The following TSNAXIP1 variants were observed in gnomAD, a reference collection of about 807,000 sequenced individuals.
The protein encoded by TSNAXIP1 is translin-associated factor X-interacting protein 1.
TSNAXIP1 carries 89 observed loss-of-function variants against 84.8 expected under a neutral mutation model. That is an observed-to-expected ratio of 1.05 (90% CI 0.88 to 1.25). TSNAXIP1 has a LOEUF of 1.25. Ranked by LOEUF, TSNAXIP1 falls within the 50% of genes most tolerant of loss-of-function variation. The probability of loss-of-function intolerance (pLI) is 0.00; values close to 1 mark genes in which losing one functional copy is unlikely to be tolerated. For missense variants in TSNAXIP1, 874 were observed against 887.6 expected (o/e 0.98, Z 0.20); for synonymous variants, 347 against 335.2 (o/e 1.04, Z -0.39).
chr16:67,825,769 T>G lies in TSNAXIP1; in HGVS notation c.917T>G (p.Phe306Cys), dbSNP rs770985287. Residue 306 changes from phenylalanine to cysteine, a missense_variant, in exon 8 of 16, where the codon TTT (phenylalanine) becomes TGT (cysteine). Transcript: ENST00000561639. ...GAACTCAACAACATGAAGGCCAACT[T>G]TGGAGATGTGGTCCCCAGGAGGGAC... The part of the protein sequence containing the change: ...QMELNNMKAN[F>C]GDVVPRRDFE... 1 of 1,613,776 alleles carries G rather than the reference T, an allele frequency of 6.2e-7. No individual in the cohort carries two copies. The highest frequency in any genetic ancestry group is 8.5e-7 in the Non-Finnish European group (1 of 1,179,952).
chr16:67,824,487 G>A (rs2057295972), intron 5 of TSNAXIP1, 96 bp from the exon 6 acceptor site: 4 of 1,205,944 alleles, frequency 3.3e-6, no homozygotes, highest in Non-Finnish European at 4.7e-6. Flanking sequence ...CTTGGGGTTT[G>A]CAAGCGACAT....
chr16:67,824,684 G>A lies in TSNAXIP1; in HGVS notation c.583G>A (p.Glu195Lys), dbSNP rs2057309628. The A allele has an allele frequency of 6.2e-7, 1 of 1,614,136 alleles. No individual in the cohort carries two copies. Among genetic ancestry groups the A allele is most frequent in the Non-Finnish European group, 8.5e-7 (1 of 1,180,022 alleles). ...GAGGATCCTGGCCATGAGAGCTGAGGAGAAATATGAAATCTCCCTGCTCAA... is the reference window on the plus strand; with the variant it reads ...GAGGATCCTGGCCATGAGAGCTGAGAAGAAATATGAAATCTCCCTGCTCAA... ...NERILAMRAE[E>K]KYEISLLKKE... Residue 195 changes from glutamate (E) to lysine (K), a missense_variant, in exon 6 of 16, where the codon GAG (glutamate) becomes AAG (lysine). Physicochemically the swap from Glu to Lys is moderately conservative, Grantham distance 56. Transcript: ENST00000561639.
chr16:67,826,485 G>A lies in TSNAXIP1; in HGVS notation c.1324G>A (p.Glu442Lys). 1 of 1,614,150 alleles carries A rather than the reference G, an allele frequency of 6.2e-7. No individual in the cohort carries two copies. Among genetic ancestry groups the A allele is most frequent in the Non-Finnish European group, 8.5e-7 (1 of 1,180,030 alleles). ...PAFLRFDGLV[E>K]NKKPSKKDVV... ...TTTTCTTCGGTTTGATGGCCTCGTG[G>A]AGAACAAGAAGCCAAGCAAGAAGGA... Residue 442 changes from glutamate to lysine, a missense_variant, in exon 11 of 16, where the codon GAG (glutamate) becomes AAG (lysine). Physicochemically the swap from Glu to Lys is moderately conservative, Grantham distance 56. Coordinates refer to ENST00000561639, the MANE Select transcript of TSNAXIP1 (RefSeq NM_001288990.3).
At chr16:67,824,520 G>A in intron 5 of TSNAXIP1, 63 bp from the exon 6 acceptor site, 4 of 1,531,296 alleles carry the variant, frequency 2.6e-6, no homozygotes, top group Non-Finnish European at 3.6e-6. Context: ...ATGACCTTAG[G>A]GTGTCTTCTG....
intron 15 of TSNAXIP1, 54 bp downstream of exon 15, chr16:67,827,633 T>TG: frequency 6.2e-7 from 1 of 1,611,786 alleles, no homozygotes; most frequent in East Asian, 2.2e-5. Context: ...CTGAAGCCCC[T>TG]GGGTCTCCCT....
chr16:67,810,799 G>A (rs867732342), intron 1 of TSNAXIP1, among the ~76,000 whole-genome samples: 31 of 150,212 alleles, frequency 2.1e-4, no homozygotes, highest in Admixed American at 1.0e-3. Flanking sequence ...GAGTGCAGTG[G>A]CATGATCTCA....
At chr16:67,816,424 G>A (rs2056556897) in intron 2 of TSNAXIP1, among the ~76,000 whole-genome samples, 1 of 152,186 alleles carries the variant, frequency 6.6e-6, no homozygotes, top group Admixed American at 6.5e-5. Flanking sequence ...GGGCTGTATG[G>A]TGGTTTTCCT....
At chr16:67,820,782 A>C in intron 2 of TSNAXIP1, 57 bp from the exon 3 acceptor site, 1 of 1,298,458 alleles carries the variant, frequency 7.7e-7, no homozygotes, top group Non-Finnish European at 1.1e-6. Flanking sequence ...AGATGGAGAG[A>C]AACATTAGGA....
In TSNAXIP1 at chr16:67,819,815, A is replaced by ATTTTTTTTTT. The variant is rs1162375778; in HGVS notation, c.148-1011_148-1002dup. ...AGCACATGCCACCACACCTGGCTAA[A>ATTTTTTTTTT]TTTTTTTTTTTTTTTTTTTTTTGAG... On this transcript the variant is annotated intron_variant, in intron 2 of 15. Transcript: ENST00000561639. Among the ~76,000 whole-genome samples the ATTTTTTTTTT allele has an allele frequency of 6.1e-4, 63 of 102,634 alleles. 2 individuals carry two copies. Among genetic ancestry groups the ATTTTTTTTTT allele is most frequent in the African/African-American group, 8.4e-4 (20 of 23,826 alleles). 67.3% of individuals were successfully genotyped at this position (102,634 alleles called of 152,430 possible). A position where few individuals can be genotyped will look rare whatever the true frequency, so the allele number is the denominator to read the frequency against.
intron 13 of TSNAXIP1, 86 bp from the exon 14 acceptor site, chr16:67,827,163 C>T: frequency 6.2e-7 from 1 of 1,606,446 alleles, no homozygotes; most frequent in Non-Finnish European, 8.5e-7. Context: ...GGGCCACAGC[C>T]TCGGCACTCA....
At chr16:67,819,113 T>A (rs983602047) in intron 2 of TSNAXIP1, among the ~76,000 whole-genome samples, 1 of 151,940 alleles carries the variant, frequency 6.6e-6, no homozygotes, top group Non-Finnish European at 1.5e-5. Flanking sequence ...AGAGCTGCAG[T>A]GAGCAGAGAT....
rs2057008586 is a variant in TSNAXIP1, at chr16:67,821,050, A to C, written c.261-49A>C. ...GTGTGTTGCCCCAGACTGAGGGCAC[A>C]AGGGCCCCGTGGGGGTGCTGGCCAC... is the stretch of plus-strand genomic sequence containing the variant. On this transcript the variant is annotated intron_variant, in intron 3 of 15. Transcript: ENST00000561639. 2.5e-6 allele frequency: 4 copies of C among 1,610,318 alleles called. No homozygotes were observed. In the Admixed American group the frequency reaches 5.0e-5, roughly 20 times the overall value.
At position 67,825,991 on chromosome 16, in the gene TSNAXIP1, G is replaced by A. The variant is rs145012456; in HGVS notation, c.1059G>A (p.Thr353=). The change falls in exon 9 of 16, where the codon ACG becomes ACA. Residue 353 remains threonine (T), a synonymous_variant. Coordinates refer to ENST00000561639, the MANE Select transcript of TSNAXIP1 (RefSeq NM_001288990.3). Reference sequence around the variant, plus strand: ...TCCTCATGCAGCTGCACATGAGCACGCTGAAGGAACGGGACCAATTCTTCT... The same window carrying A: ...TCCTCATGCAGCTGCACATGAGCACACTGAAGGAACGGGACCAATTCTTCT... ...HEILMQLHMS[T]LKERDQFFSE... 132 of 1,614,038 alleles carry A rather than the reference G, an allele frequency of 8.2e-5. No homozygotes were observed. The African/African-American group carries it at 1.3e-3, about 16-fold the overall frequency.
At position 67,811,436 on chromosome 16, in the gene TSNAXIP1, C is replaced by CTTTTTTTTTT. The variant is rs1190285857; in HGVS notation, c.48-2852_48-2843dup. On this transcript the variant is annotated intron_variant, in intron 1 of 15. Transcript: ENST00000561639. ...AACAGAGTTTGGAGAATTGATTAGT[C>CTTTTTTTTTT]TTTTTTTTTTTTTTTTTTTTTTTGA... Among the ~76,000 whole-genome samples the CTTTTTTTTTT allele has an allele frequency of 5.6e-4, 57 of 101,976 alleles. 7 individuals are homozygous for CTTTTTTTTTT. Among genetic ancestry groups the CTTTTTTTTTT allele is most frequent in the African/African-American group, 1.8e-3 (41 of 22,712 alleles). The allele number at this position is 101,976 out of a possible 152,430, so 66.9% of individuals were successfully genotyped here. A position where few individuals can be genotyped will look rare whatever the true frequency, so the allele number is the denominator to read the frequency against.
Position 67,827,351 on chromosome 16 carries a change from C to A in TSNAXIP1, c.1767C>A (p.Leu589=). ...WHPSSSNADL[L]NYRSLFMEDE... is the part of the protein sequence containing the mutation. ...CCAGCAGCAGCAATGCAGACTTGCT[C>A]AACTACCGCTCACTGTTTATGGAGG... Residue 589 remains leucine, a synonymous_variant, in exon 14 of 16, where the codon CTC becomes CTA. Transcript: ENST00000561639. The A allele has an allele frequency of 6.2e-7, 1 of 1,614,232 alleles. No homozygotes were observed. The highest frequency in any genetic ancestry group is 8.5e-7 in the Non-Finnish European group (1 of 1,180,042).
chr16:67,827,185 GCA>G, intron 13 of TSNAXIP1, 62 bp from the exon 14 acceptor site: 1 of 1,609,636 alleles, frequency 6.2e-7, no homozygotes, highest in Non-Finnish European at 8.5e-7. Flanking sequence ...TCCCTTTTGA[GCA>G]CTAGGGAGAG....
intron 1 of TSNAXIP1, chr16:67,807,674 G>A: frequency 3.8e-6 from 1 of 260,328 alleles, no homozygotes; most frequent in Non-Finnish European, 7.7e-6. Flanking sequence ...GTAGAGACGA[G>A]GTTTCACCAC....
Position 67,825,943 on chromosome 16 carries a change from G to A in TSNAXIP1, c.1011G>A (p.Glu337=). The A allele has an allele frequency of 6.2e-7, 1 of 1,614,058 alleles. No homozygotes were observed. Among genetic ancestry groups the A allele is most frequent in the Non-Finnish European group, 8.5e-7 (1 of 1,179,994 alleles). ...EQLDTLRASY[E]EVRKEHEILM... is the part of the protein sequence containing the mutation. ...TGGACACCCTGAGAGCCAGCTACGA[G>A]GAGGTTCGCAAGGAGCATGAGATCC... is the stretch of plus-strand genomic sequence containing the variant. Residue 337 remains glutamate (E), a synonymous_variant, in exon 9 of 16, where the codon GAG becomes GAA. Transcript: ENST00000561639.
rs1255759733 is a variant in TSNAXIP1 at position 67,819,346 on chromosome 16, C to T, written c.148-1493C>T. 3.3e-5 allele frequency among the ~76,000 whole-genome samples: 5 copies of T among 149,380 alleles called. No individual in the cohort carries two copies. In the South Asian group the frequency reaches 6.4e-4, roughly 19 times the overall value. ...GCAACCTCTGCCTCCCGAGTTCAAGCGATTCTCCTGCCTCAGCCTCCCGAG... is the reference window on the plus strand; with the variant it reads ...GCAACCTCTGCCTCCCGAGTTCAAGTGATTCTCCTGCCTCAGCCTCCCGAG... On this transcript the variant is annotated intron_variant, in intron 2 of 15. Coordinates refer to ENST00000561639, the MANE Select transcript of TSNAXIP1 (RefSeq NM_001288990.3).
Sources: allele counts gnomAD v4.1 joint callset (sites outside exome capture counted in the v4.1 genomes callset), GRCh38; gene constraint gnomAD v4.1.1; transcripts MANE v1.5; gene names NCBI Gene and HGNC (gene_info 2026-07-23, HGNC 2026-07-21).